RASGRP3: variants seen among roughly 807,000 people sequenced by gnomAD.
RASGRP3 encodes RAS guanyl releasing protein 3.
A neutral mutation model predicts 82.7 loss-of-function variants in RASGRP3; 54 were observed. The observed-to-expected ratio is 0.65, with a 90% confidence interval of 0.52 to 0.82. RASGRP3 has a LOEUF of 0.82. Among genes scored for constraint, RASGRP3 ranks in the 40% least tolerant of loss-of-function variants. The pLI, the probability that RASGRP3 is intolerant of heterozygous loss-of-function variation, is 0.00. For missense variants in RASGRP3, 861 were observed against 828.9 expected (o/e 1.04, Z -0.48); for synonymous variants, 309 against 300.5 (o/e 1.03, Z -0.29).
intron 2 of RASGRP3, among the ~76,000 whole-genome samples, chr2:33,459,219 C>G (rs1417205937): frequency 6.6e-6 from 1 of 152,116 alleles, no homozygotes; most frequent in East Asian, 1.9e-4. Flanking sequence ...ACTGCAAGCT[C>G]TGCCTCCCGG....
rs1168408937 is a variant in RASGRP3, at chr2:33,562,710, G to T, written c.2065-19G>T. 1 of 1,612,992 alleles carries T rather than the reference G, an allele frequency of 6.2e-7. No homozygotes were observed. Among genetic ancestry groups the T allele is most frequent in the Admixed American group, 1.7e-5 (1 of 60,008 alleles). ...TATATGAGATCCAGCCATGCAATAG[G>T]TTCCAATTTGTGTTTCAGGATGGCT... On this transcript the variant is annotated intron_variant, in intron 17 of 17. Coordinates refer to ENST00000403687, the MANE Select transcript of RASGRP3 (RefSeq NM_001139488.2).
chr2:33,508,099 A>C (rs1313300688), intron 1 of RASGRP3, among the ~76,000 whole-genome samples: 1 of 152,220 alleles, frequency 6.6e-6, no homozygotes, highest in Non-Finnish European at 1.5e-5. Flanking sequence ...CTAGCTAGAT[A>C]TTTGGTTGGC....
In RASGRP3 at chr2:33,524,449, A is replaced by T; in HGVS notation, c.708A>T (p.Lys236Asn). The T allele has an allele frequency of 1.3e-6, 2 of 1,597,868 alleles. 1 individual carries two copies. Among genetic ancestry groups the T allele is most frequent in the Middle Eastern group, 3.3e-4 (2 of 6,052 alleles). The change falls in exon 9 of 18, where the codon AAA becomes AAT. Residue 236 changes from lysine (K) to asparagine (N), a missense_variant. Physicochemically the swap from Lys to Asn is moderately conservative, Grantham distance 94. Transcript: ENST00000403687. ...INVAKKLLQL[K>N]NFNTLMAVVG... Reference sequence around the variant, plus strand: ...TATTGCAGAAGCTCCTTCAGCTCAAAAATTTTAACACCCTGATGGCAGTGG... The same window carrying T: ...TATTGCAGAAGCTCCTTCAGCTCAATAATTTTAACACCCTGATGGCAGTGG...
At position 33,534,399 on chromosome 2, in the gene RASGRP3, C is replaced by T. The variant is rs775753875; in HGVS notation, c.1160C>T (p.Ser387Leu). ...SLVLEPRNSKSQPTSPTTPNK... is the reference protein window; with the variant it reads ...SLVLEPRNSKLQPTSPTTPNK... ...GTGCTGGAGCCTAGAAATTCTAAATCGGTAGGTATTATTTTCTCTCCAAGG... is the reference window on the plus strand; with the variant it reads ...GTGCTGGAGCCTAGAAATTCTAAATTGGTAGGTATTATTTTCTCTCCAAGG... The change falls in exon 11 of 18, where the codon TCG (serine) becomes TTG (leucine). Residue 387 changes from serine (S) to leucine (L), a missense_variant and splice_region_variant. By Grantham distance (145) the Ser-to-Leu change is moderately radical (BLOSUM62 -2). Transcript: ENST00000403687. 11 of 1,539,460 alleles carry T rather than the reference C, an allele frequency of 7.1e-6. No individual in the cohort carries two copies. The highest frequency in any genetic ancestry group is 1.4e-5 in the African/African-American group (1 of 73,540).
intron 10 of RASGRP3, chr2:33,530,843 G>T (rs1216818089): frequency 2.0e-5 from 2 of 100,118 alleles, no homozygotes; most frequent in Non-Finnish European, 4.1e-5. Flanking sequence ...GTTGGGATTT[G>T]TATTGTTCCT....
chr2:33,555,852 C>G (rs1442233985), intron 15 of RASGRP3, among the ~76,000 whole-genome samples: 1 of 152,174 alleles, frequency 6.6e-6, no homozygotes, highest in Admixed American at 6.5e-5. Context: ...TGGGACAAGC[C>G]TAGCTAAAAT....
At chr2:33,458,928 C>A (rs1666194388) in intron 2 of RASGRP3, among the ~76,000 whole-genome samples, 1 of 152,012 alleles carries the variant, frequency 6.6e-6, no homozygotes, top group African/African-American at 2.4e-5. Context: ...TAACTGGGGG[C>A]AAATAGACTC....
At chr2:33,499,349 G>C (rs942456004) in intron 1 of RASGRP3, among the ~76,000 whole-genome samples, 2 of 152,140 alleles carry the variant, frequency 1.3e-5, no homozygotes, top group African/African-American at 4.8e-5. Context: ...CCTGAGCTCA[G>C]GAGTTCGAGA....
At chr2:33,449,917 C>G (rs1405588700) in intron 2 of RASGRP3, among the ~76,000 whole-genome samples, 2 of 151,982 alleles carry the variant, frequency 1.3e-5, no homozygotes, top group African/African-American at 4.8e-5. Flanking sequence ...AAACTAAGTG[C>G]CTTTAAACAA....
At chr2:33,547,136 C>G (rs949927795) in intron 13 of RASGRP3, among the ~76,000 whole-genome samples, 5 of 151,308 alleles carry the variant, frequency 3.3e-5, no homozygotes, top group Non-Finnish European at 7.4e-5. Flanking sequence ...GCTATCATCC[C>G]TAGCAAACTA....
At chr2:33,501,358 G>A (rs1669861712) in intron 1 of RASGRP3, among the ~76,000 whole-genome samples, 1 of 152,156 alleles carries the variant, frequency 6.6e-6, no homozygotes, top group Non-Finnish European at 1.5e-5. Context: ...TCACTTTGGG[G>A]AAATTATGAA....
At chr2:33,481,152 A>C (rs560556603) in intron 1 of RASGRP3, 4 of 152,526 alleles carry the variant, frequency 2.6e-5, no homozygotes, top group African/African-American at 9.6e-5. Flanking sequence ...TGGTTATGCT[A>C]TCTTTCTTTT....
chr2:33,525,142 C>T (rs1366560974), intron 9 of RASGRP3, among the ~76,000 whole-genome samples: 1 of 144,116 alleles, frequency 6.9e-6, no homozygotes, highest in Non-Finnish European at 1.5e-5. Flanking sequence ...AAATATTCAA[C>T]AGGTATCTAT....
intron 1 of RASGRP3, among the ~76,000 whole-genome samples, chr2:33,502,361 T>C (rs1216363910): frequency 2.0e-5 from 3 of 152,170 alleles, no homozygotes; most frequent in Non-Finnish European, 4.4e-5. Context: ...ATTAGTTCAC[T>C]CTGGGCTTCC....
intron 9 of RASGRP3, among the ~76,000 whole-genome samples, chr2:33,525,266 G>A (rs1257894590): frequency 6.6e-6 from 1 of 151,650 alleles, no homozygotes; most frequent in Non-Finnish European, 1.5e-5. Context: ...CACTGTGTTG[G>A]GCACATCAGA....
intron 13 of RASGRP3, among the ~76,000 whole-genome samples, chr2:33,545,466 G>T (rs886338059): frequency 2.0e-5 from 3 of 152,180 alleles, no homozygotes; most frequent in African/African-American, 7.2e-5. Flanking sequence ...CTTTTAATAG[G>T]CTGGTGTATT....
upstream of RASGRP3, among the ~76,000 whole-genome samples, chr2:33,473,933 A>G (rs7603380): frequency 0.2 from 30,746 of 152,128 alleles, 3,347 homozygotes; most frequent in South Asian, 0.32. Context: ...TCAGATCATC[A>G]GGCATTAGAC....
intron 13 of RASGRP3, among the ~76,000 whole-genome samples, chr2:33,544,476 C>T (rs939062581): frequency 1.3e-5 from 2 of 151,594 alleles, no homozygotes. Context: ...AATTAAATCG[C>T]TTTAGATACT....
intron 12 of RASGRP3, chr2:33,539,996 A>G (rs141442637): frequency 0.022 from 2,994 of 136,906 alleles, 58 homozygotes; most frequent in Non-Finnish European, 0.032. Context: ...TGAAAAAAAA[A>G]AAAAGAAAAG....
Sources: allele counts gnomAD v4.1 joint callset (sites outside exome capture counted in the v4.1 genomes callset), GRCh38; gene constraint gnomAD v4.1.1; transcripts MANE v1.5; gene names NCBI Gene and HGNC (gene_info 2026-07-23, HGNC 2026-07-21).